Variants in PDE10A observed in about 807,000 individuals in gnomAD.
The protein encoded by PDE10A is cAMP and cAMP-inhibited cGMP 3',5'-cyclic phosphodiesterase 10A.
PDE10A carries 39 observed loss-of-function variants against 97.7 expected under a neutral mutation model. That is an observed-to-expected ratio of 0.40 (90% CI 0.31 to 0.52). The LOEUF (loss-of-function observed/expected upper bound fraction) is 0.52. PDE10A is among the 20% of genes least tolerant of loss of function. The probability of loss-of-function intolerance (pLI) is 0.56; values close to 1 mark genes in which losing one functional copy is unlikely to be tolerated. For missense variants in PDE10A, 731 were observed against 1,047.8 expected, an observed-to-expected ratio of 0.70 and a Z score of 4.17; for synonymous variants, 371 against 376.8, an observed-to-expected ratio of 0.98 and a Z score of 0.18.
Position 165,329,905 on chromosome 6 carries a change from G to C in PDE10A, c.*3120C>G, listed in dbSNP as rs1218433846. The C allele has an allele frequency of 6.6e-6, 1 of 152,124 alleles. No individual in the cohort carries two copies. The highest frequency in any genetic ancestry group is 2.4e-5 in the African/African-American group (1 of 41,440). 9.4% of individuals were successfully genotyped at this position (152,124 alleles called of 1,614,324 possible). On this transcript the variant is annotated 3_prime_UTR_variant, in exon 22 of 22. Transcript: ENST00000539869. The stretch of plus-strand genomic sequence containing the variant: ...ACCTCTTAGAGAGAAGTACAGCTGG[G>C]AAATGGACCAGAGTCTCTGCCCTAT...
Position 165,711,158 on chromosome 6 carries a change from A to G in PDE10A, c.-614-167590T>C, listed in dbSNP as rs1055884076. ...GCATGAAGGGGAGGCGGCTGGCTGG[A>G]GAGAACAACAGGGATATGACGTTAG... On this transcript the variant is annotated intron_variant, in intron 1 of 19. Transcript: ENST00000366882. The surrounding 1 kb of genome is among the most constrained non-coding windows in gnomAD (Gnocchi z 4.5). Among the ~76,000 whole-genome samples, 1 of 152,214 alleles carries G rather than the reference A, an allele frequency of 6.6e-6. No individual in the cohort carries two copies. Among genetic ancestry groups the G allele is most frequent in the African/African-American group, 2.4e-5 (1 of 41,456 alleles).
At chr6:165,679,314 T>C (rs1318630853) in intron 1 of PDE10A, among the ~76,000 whole-genome samples, 14 of 152,258 alleles carry the variant, frequency 9.2e-5, no homozygotes, top group Non-Finnish European at 5.9e-5. Context: ...CTTCATGTTC[T>C]GTATGCTACA....
intron 1 of PDE10A, among the ~76,000 whole-genome samples, chr6:165,603,917 T>C (rs1174054008): frequency 6.6e-6 from 1 of 152,190 alleles, no homozygotes; most frequent in African/African-American, 2.4e-5. Context: ...ACTAAAACCA[T>C]GGGACTGATC....
At chr6:165,897,491 G>T (rs1032214438) in intron 1 of PDE10A, among the ~76,000 whole-genome samples, 3 of 152,090 alleles carry the variant, frequency 2.0e-5, no homozygotes, top group African/African-American at 7.2e-5. Context: ...CCCCCAGGGA[G>T]TGAGGTCCCT....
intron 3 of PDE10A, among the ~76,000 whole-genome samples, chr6:165,469,036 T>C (rs948163716): frequency 1.3e-5 from 2 of 152,252 alleles, no homozygotes; most frequent in Admixed American, 1.3e-4. Context: ...GGAATGTGTT[T>C]AGTTCCCACT....
chr6:165,698,715 C>T (rs370981990), intron 1 of PDE10A, among the ~76,000 whole-genome samples: 105 of 152,010 alleles, frequency 6.9e-4, no homozygotes, highest in South Asian at 3.3e-3. Flanking sequence ...CCAGACGTGG[C>T]GGCATTTGCT....
chr6:165,386,952 C>T (rs543849632), intron 17 of PDE10A, among the ~76,000 whole-genome samples: 16 of 151,926 alleles, frequency 1.1e-4, no homozygotes, highest in South Asian at 8.3e-4. Flanking sequence ...GGAGGCGGGG[C>T]GTGCAGTGAG....
chr6:165,729,129 G>C (rs994987008), intron 1 of PDE10A, among the ~76,000 whole-genome samples: 1 of 151,558 alleles, frequency 6.6e-6, no homozygotes, highest in Non-Finnish European at 1.5e-5. Context: ...TTGAGCTCAG[G>C]ATGTTGAGGC....
chr6:165,875,935 C>T (rs1272521776), intron 1 of PDE10A, among the ~76,000 whole-genome samples: 2 of 152,122 alleles, frequency 1.3e-5, no homozygotes, highest in East Asian at 3.9e-4. Context: ...TGATAAAAAG[C>T]CCATGACTGT....
intron 2 of PDE10A, among the ~76,000 whole-genome samples, chr6:165,513,424 C>G (rs1195168181): frequency 6.6e-6 from 1 of 152,060 alleles, no homozygotes; most frequent in Non-Finnish European, 1.5e-5. Context: ...ACAAAATAAA[C>G]TAACATACAG....
Position 165,819,579 on chromosome 6 carries a change from G to A in PDE10A, c.-615+167950C>T, listed in dbSNP as rs1413948945. ...TCCTTCAGGCCTCATCCACTGCCGC[G>A]ACCCCCACCCCGAGTTGCCGGACAC... On this transcript the variant is annotated intron_variant, in intron 1 of 19. Transcript: ENST00000366882. This position sits in a 1 kb window ranked among gnomAD's most constrained non-coding sequence, Gnocchi z 4.2. Among the ~76,000 whole-genome samples the A allele has an allele frequency of 6.6e-6, 1 of 152,074 alleles. No homozygotes were observed. Among genetic ancestry groups the A allele is most frequent in the Non-Finnish European group, 1.5e-5 (1 of 68,020 alleles).
intron 1 of PDE10A, among the ~76,000 whole-genome samples, chr6:165,827,607 A>G (rs1321159586): frequency 6.6e-6 from 1 of 152,228 alleles, no homozygotes; most frequent in East Asian, 1.9e-4. Context: ...GGTACTACTG[A>G]ACATACATTA....
intron 1 of PDE10A, among the ~76,000 whole-genome samples, chr6:165,752,839 A>C (rs1006228793): frequency 2.0e-5 from 3 of 152,248 alleles, no homozygotes; most frequent in African/African-American, 7.2e-5. Flanking sequence ...CATTAGGGTT[A>C]TTCAATGTCA....
chr6:165,649,458 G>A (rs943032909), intron 1 of PDE10A, among the ~76,000 whole-genome samples: 8 of 151,902 alleles, frequency 5.3e-5, no homozygotes, highest in Middle Eastern at 3.2e-3. Context: ...GGGCAAACAC[G>A]GGAATCTAAA....
chr6:165,423,124 G>T (rs1219270711), intron 10 of PDE10A, among the ~76,000 whole-genome samples: 1 of 152,104 alleles, frequency 6.6e-6, no homozygotes. Flanking sequence ...CTACACAAAA[G>T]TAAGTTGAAC....
chr6:165,511,227 G>A (rs576673135), intron 2 of PDE10A, among the ~76,000 whole-genome samples: 7 of 151,786 alleles, frequency 4.6e-5, no homozygotes, highest in East Asian at 1.9e-4. Context: ...TTGTATTTCC[G>A]TTTTCATTTG....
chr6:165,568,352 T>C (rs546125894), intron 1 of PDE10A, among the ~76,000 whole-genome samples: 62 of 152,290 alleles, frequency 4.1e-4, no homozygotes, highest in African/African-American at 1.4e-3. Flanking sequence ...ATCCACGGTT[T>C]CACTTTCTGC....
intron 18 of PDE10A, among the ~76,000 whole-genome samples, chr6:165,363,757 TAAC>T (rs1312355222): frequency 1.3e-5 from 2 of 152,080 alleles, no homozygotes; most frequent in South Asian, 2.1e-4. Context: ...AAAATAAAAT[TAAC>T]AAAATTCCAC....
At chr6:165,595,894 AC>A (rs575799020) in intron 1 of PDE10A, among the ~76,000 whole-genome samples, 3 of 152,318 alleles carry the variant, frequency 2.0e-5, no homozygotes, top group African/African-American at 7.2e-5. Flanking sequence ...CAAAGGCCCC[AC>A]ATTCTAATAC....
Sources: allele counts gnomAD v4.1 joint callset (sites outside exome capture counted in the v4.1 genomes callset), GRCh38; gene constraint gnomAD v4.1.1; non-coding constraint Gnocchi (gnomAD v3.1); transcripts MANE v1.5; gene names NCBI Gene and HGNC (gene_info 2026-07-23, HGNC 2026-07-21).